Variants in TEX14 observed in about 807,000 individuals in gnomAD.
The protein encoded by TEX14 is inactive serine/threonine-protein kinase TEX14.
TEX14 carries 168 observed loss-of-function variants against 178.6 expected under a neutral mutation model. The observed-to-expected ratio is 0.94, with a 90% confidence interval of 0.83 to 1.07. The LOEUF (loss-of-function observed/expected upper bound fraction) is 1.07. Ranked by LOEUF, TEX14 falls within the 50% of genes least tolerant of loss-of-function variation. The pLI, the probability that TEX14 is intolerant of heterozygous loss-of-function variation, is 0.00. For synonymous variants in TEX14, 626 were observed against 634.1 expected, an observed-to-expected ratio of 0.99 and a Z score of 0.19; for missense variants, 1,730 against 1,753.6, an observed-to-expected ratio of 0.99 and a Z score of 0.24.
At chr17:58,661,440 C>T (rs1486529353) in intron 1 of TEX14, 1 of 802,368 alleles carries the variant, frequency 1.2e-6, no homozygotes, top group East Asian at 2.4e-5. Context: ...ATTTTGGCAA[C>T]CTTGTCAAGG....
chr17:58,582,073 C>T (rs979198821), intron 19 of TEX14, among the ~76,000 whole-genome samples: 1 of 152,158 alleles, frequency 6.6e-6, no homozygotes, highest in Non-Finnish European at 1.5e-5. Context: ...TTTAAACACA[C>T]TAATCCCTCA....
At chr17:58,604,824 G>T (rs2045566429) in intron 11 of TEX14, among the ~76,000 whole-genome samples, 154 bp downstream of exon 11, 1 of 152,024 alleles carries the variant, frequency 6.6e-6, no homozygotes, top group South Asian at 2.1e-4. Context: ...GCCTCCCAAA[G>T]TGCTGGGATT....
intron 17 of TEX14, among the ~76,000 whole-genome samples, chr17:58,586,999 C>T (rs1050294056): frequency 4.6e-5 from 7 of 152,136 alleles, no homozygotes; most frequent in Admixed American, 4.6e-4. Context: ...GTTCCAGCCA[C>T]CTGTGACCCT....
intron 2 of TEX14, among the ~76,000 whole-genome samples, chr17:58,640,867 G>A (rs564010100): frequency 1.3e-5 from 2 of 152,024 alleles, no homozygotes; most frequent in South Asian, 2.1e-4. Flanking sequence ...CTACAGGTGC[G>A]AGCCACCAAG....
intron 1 of TEX14, chr17:58,660,899 G>A: frequency 1.2e-6 from 1 of 825,324 alleles, no homozygotes; most frequent in Non-Finnish European, 2.2e-6. Flanking sequence ...CTGGTGACAT[G>A]AGTTAGAAGT....
intron 15 of TEX14, among the ~76,000 whole-genome samples, chr17:58,589,188 G>A (rs1323636918): frequency 5.3e-5 from 8 of 151,906 alleles, no homozygotes; most frequent in Admixed American, 2.0e-4. Context: ...GCTTGAACCC[G>A]GGAGGCGGAG....
Position 58,619,906 on chromosome 17 carries a change from G to A in TEX14, c.554+1744C>T, listed in dbSNP as rs184130928. ...AATTCTAAACTAAATGCTGTATCTA[G>A]ATGAGTAACTAAGATTGTAAAAGCT... is the stretch of plus-strand genomic sequence containing the variant. On this transcript the variant is annotated intron_variant, in intron 5 of 31. Transcript: ENST00000349033. 7.3e-4 allele frequency among the ~76,000 whole-genome samples: 110 copies of A among 151,372 alleles called. 1 individual carries two copies. Among genetic ancestry groups the A allele is most frequent in the African/African-American group, 2.6e-3 (108 of 41,196 alleles).
intron 17 of TEX14, 68 bp from the exon 18 acceptor site, chr17:58,586,150 A>C (rs2044967394): frequency 1.4e-6 from 2 of 1,469,846 alleles, no homozygotes; most frequent in African/African-American, 1.4e-5. Flanking sequence ...TTTCATCTAA[A>C]AGAAATACAT....
At position 58,651,893 on chromosome 17, in the gene TEX14, C is replaced by T; in HGVS notation, c.109G>A (p.Val37Met). Reference sequence around the variant, plus strand: ...TTCTTAAGAATTTTCTTCACTTTCACATAGTTCCCTTGTTTGACATACTCA... The same window carrying T: ...TTCTTAAGAATTTTCTTCACTTTCATATAGTTCCCTTGTTTGACATACTCA... ...LHEYVKQGNY[V>M]KVKKILKKGI... The change falls in exon 2 of 32, where the codon GTG becomes ATG. Residue 37 changes from valine (V) to methionine (M), a missense_variant. Physicochemically the swap from Val to Met is conservative, Grantham distance 21 (BLOSUM62 1). This residue lies in a region of TEX14 where 789 missense variants were observed against 681.2 expected (regional missense o/e 1.16). Transcript: ENST00000349033. 1 of 1,609,512 alleles carries T rather than the reference C, an allele frequency of 6.2e-7. No individual in the cohort carries two copies. Among genetic ancestry groups the T allele is most frequent in the Admixed American group, 1.7e-5 (1 of 58,464 alleles).
chr17:58,690,382 T>A (rs1375995622), intron 1 of TEX14, among the ~76,000 whole-genome samples: 1 of 152,148 alleles, frequency 6.6e-6, no homozygotes, highest in East Asian at 1.9e-4. Context: ...CCCAGGCTGG[T>A]CTCAAACTCC....
chr17:58,620,096 A>G (rs1039785509), intron 5 of TEX14, among the ~76,000 whole-genome samples: 1 of 152,188 alleles, frequency 6.6e-6, no homozygotes, highest in African/African-American at 2.4e-5. Context: ...AAACTGGAGA[A>G]GAACATATAC....
chr17:58,644,401 C>T (rs1291253814), intron 2 of TEX14, among the ~76,000 whole-genome samples: 9 of 152,268 alleles, frequency 5.9e-5, no homozygotes, highest in South Asian at 2.1e-4. Context: ...GGCATGATCT[C>T]GGCTCACTGC....
intron 3 of TEX14, among the ~76,000 whole-genome samples, chr17:58,627,186 T>C (rs1004640742): frequency 6.6e-6 from 1 of 152,164 alleles, no homozygotes; most frequent in African/African-American, 2.4e-5. Flanking sequence ...AGCTGTGTCA[T>C]TAATACTATG....
chr17:58,595,408 C>T (rs1350217660), intron 14 of TEX14, among the ~76,000 whole-genome samples: 1 of 152,196 alleles, frequency 6.6e-6, no homozygotes, highest in Non-Finnish European at 1.5e-5. Flanking sequence ...GCCACGCCTC[C>T]TATAAGGAGC....
intron 5 of TEX14, among the ~76,000 whole-genome samples, chr17:58,620,360 C>T (rs1186212905): frequency 1.3e-5 from 2 of 152,162 alleles, no homozygotes; most frequent in African/African-American, 2.4e-5. Flanking sequence ...GACAGGATCT[C>T]GCTCTGTCAC....
chr17:58,630,347 C>T (rs2046258316), intron 3 of TEX14, 93 bp downstream of exon 3: 2 of 960,828 alleles, frequency 2.1e-6, no homozygotes, highest in East Asian at 2.6e-5. Flanking sequence ...TGAGACACCG[C>T]ACCCGGCCAA....
chr17:58,628,819 A>G (rs912830553), intron 3 of TEX14, among the ~76,000 whole-genome samples: 2 of 151,924 alleles, frequency 1.3e-5, no homozygotes, highest in African/African-American at 2.4e-5. Flanking sequence ...CGGGAGGCGG[A>G]GGTTGCAGTG....
Position 58,615,342 on chromosome 17 carries a change from T to A in TEX14, c.771A>T (p.Leu257=). The A allele has an allele frequency of 6.3e-7, 1 of 1,592,482 alleles. No individual in the cohort carries two copies. Among genetic ancestry groups the A allele is most frequent in the Non-Finnish European group, 8.6e-7 (1 of 1,160,498 alleles). ...CTGTGACCCTGCTCCCATTCCACAC[T>A]AGGCTACAAGGACAGGAAAGAGTTT... ...FSGPYMVMTN[L]VWNGSRVTVK... Residue 257 remains leucine (L), a synonymous_variant, in exon 8 of 32, where the codon CTA becomes CTT. Coordinates refer to ENST00000349033, the MANE Select transcript of TEX14 (RefSeq NM_031272.5).
intron 12 of TEX14, 92 bp from the exon 13 acceptor site, chr17:58,602,048 C>T (rs2144483428): frequency 1.5e-6 from 2 of 1,346,732 alleles, no homozygotes; most frequent in Non-Finnish European, 2.1e-6. Flanking sequence ...TGATAAACTC[C>T]CTCTTATTCC....
Sources: gnomAD v4.1 joint callset for allele counts (sites outside exome capture counted in the v4.1 genomes callset) on GRCh38, gnomAD v4.1.1 for gene constraint, gnomAD v4.1.1 regional missense constraint, MANE v1.5 for transcripts, NCBI Gene and HGNC (gene_info 2026-07-23, HGNC 2026-07-21) for gene names.